Variants in TRIO observed in about 807,000 individuals in gnomAD.
TRIO encodes triple functional domain protein.
In TRIO, 58 loss-of-function variants were observed where a neutral mutation model predicts 351.9. The observed-to-expected ratio is 0.16, with a 90% CI of 0.13 to 0.21. TRIO has a LOEUF of 0.21. Ranked by LOEUF, TRIO falls within the 10% of genes least tolerant of loss-of-function variation. The probability of loss-of-function intolerance (pLI) is 1.00; values close to 1 mark genes in which losing one functional copy is unlikely to be tolerated. For missense variants in TRIO, 3,201 were observed against 4,027.8 expected, an observed-to-expected ratio of 0.79 and a Z score of 5.56; for synonymous variants, 1,758 against 1,595.7, an observed-to-expected ratio of 1.10 and a Z score of -2.42.
chr5:14,174,765 A>C (rs1347813160), intron 1 of TRIO, among the ~76,000 whole-genome samples: 1 of 152,228 alleles, frequency 6.6e-6, no homozygotes, highest in East Asian at 1.9e-4. Flanking sequence ...TCTACAGTCG[A>C]GACCTATGAA....
At chr5:14,498,330 C>T (rs1441137800) in intron 52 of TRIO, 79 bp downstream of exon 52, 1 of 1,564,856 alleles carries the variant, frequency 6.4e-7, no homozygotes, top group Non-Finnish European at 8.7e-7. Context: ...ATTCCTCCTT[C>T]ACGGATGGAT....
At chr5:14,272,336 C>T (rs1033360139) in intron 2 of TRIO, among the ~76,000 whole-genome samples, 1 of 152,124 alleles carries the variant, frequency 6.6e-6, no homozygotes, top group African/African-American at 2.4e-5. Context: ...TGTTTCTGAA[C>T]GTTTTGTTCC....
intron 1 of TRIO, among the ~76,000 whole-genome samples, chr5:14,225,797 C>CG (rs140782515): frequency 1.5e-5 from 2 of 132,812 alleles, no homozygotes; most frequent in South Asian, 2.6e-4. Context: ...CTCCCACCCC[C>CG]CCCCCCACCT....
chr5:14,403,352 G>A (rs1203981435), intron 31 of TRIO, among the ~76,000 whole-genome samples: 1 of 51,768 alleles, frequency 1.9e-5, no homozygotes, highest in Non-Finnish European at 3.2e-5. Flanking sequence ...GGTGCAGCTT[G>A]TGAGGGTGCA....
At chr5:14,296,877 G>A (rs1737405043) in intron 6 of TRIO, among the ~76,000 whole-genome samples, 195 bp from the exon 7 acceptor site, 1 of 152,134 alleles carries the variant, frequency 6.6e-6, no homozygotes, top group Non-Finnish European at 1.5e-5. Flanking sequence ...AAATAGAAAT[G>A]GAAACCAATA....
At chr5:14,266,011 G>T (rs1795648269) in intron 1 of TRIO, among the ~76,000 whole-genome samples, 1 of 152,172 alleles carries the variant, frequency 6.6e-6, no homozygotes. Context: ...TTTATTTGTT[G>T]GTTGAGTTCA....
chr5:14,408,809 TA>T (rs1423246685), intron 33 of TRIO, among the ~76,000 whole-genome samples: 1 of 151,886 alleles, frequency 6.6e-6, no homozygotes, highest in Non-Finnish European at 1.5e-5. Flanking sequence ...ATTCTTAAGA[TA>T]AACTCCTAGG....
chr5:14,399,994 A>G (rs1426616806), intron 30 of TRIO, among the ~76,000 whole-genome samples: 1 of 152,232 alleles, frequency 6.6e-6, no homozygotes, highest in Non-Finnish European at 1.5e-5. Flanking sequence ...TGTGATGTCC[A>G]TATATAATGA....
chr5:14,143,842 G>C lies in TRIO; in HGVS notation c.117G>C (p.Ala39=). The C allele has an allele frequency of 9.3e-7, 1 of 1,072,734 alleles. No homozygotes were observed. Among genetic ancestry groups the C allele is most frequent in the Non-Finnish European group, 1.1e-6 (1 of 887,696 alleles). The allele number at this position is 1,072,734 out of a possible 1,614,324, so 66.5% of individuals were successfully genotyped here. Residue 39 remains alanine, a synonymous_variant, in exon 1 of 57, where the codon GCG becomes GCC. Coordinates refer to ENST00000344204, the MANE Select transcript of TRIO (RefSeq NM_007118.4). Reference sequence around the variant, plus strand: ...GTGCCGGCGAGGGGGCAGAGGAGGCGGCCAAGGACCTGGCCGACATCGCGG... The same window carrying C: ...GTGCCGGCGAGGGGGCAGAGGAGGCCGCCAAGGACCTGGCCGACATCGCGG... The part of the protein sequence containing the change: ...GGGAGEGAEE[A]AKDLADIAAF...
chr5:14,219,687 G>T (rs1175026698), intron 1 of TRIO, among the ~76,000 whole-genome samples: 1 of 152,254 alleles, frequency 6.6e-6, no homozygotes, highest in East Asian at 1.9e-4. Context: ...CTGTGAAAAC[G>T]CAGAATCCTC....
intron 55 of TRIO, among the ~76,000 whole-genome samples, chr5:14,506,898 G>A (rs554076991): frequency 2.6e-5 from 4 of 152,212 alleles, no homozygotes; most frequent in South Asian, 2.1e-4. Context: ...CTCTACCACC[G>A]GCTTCCCTCT....
At chr5:14,221,015 A>G (rs1037212666) in intron 1 of TRIO, among the ~76,000 whole-genome samples, 1 of 152,190 alleles carries the variant, frequency 6.6e-6, no homozygotes, top group Admixed American at 6.5e-5. Context: ...AGGACAGGCG[A>G]CTTTCTTGTT....
intron 11 of TRIO, among the ~76,000 whole-genome samples, chr5:14,337,371 A>T (rs1013987157): frequency 6.6e-6 from 1 of 152,210 alleles, no homozygotes; most frequent in African/African-American, 2.4e-5. Flanking sequence ...AATAATTTAA[A>T]ATAAAAGTTC....
chr5:14,477,108 G>A, intron 41 of TRIO, 145 bp downstream of exon 41: 1 of 687,056 alleles, frequency 1.5e-6, no homozygotes, highest in Non-Finnish European at 2.3e-6. Flanking sequence ...TAATGAGTTG[G>A]AATTAAAATC....
rs112440174 is a variant in TRIO, at chr5:14,328,148, C to T, written c.1732-2630C>T. Among the ~76,000 whole-genome samples, 522 of 152,200 alleles carry T rather than the reference C, an allele frequency of 3.4e-3. 1 individual carries two copies. Among genetic ancestry groups the T allele is most frequent in the Non-Finnish European group, 6.3e-3 (430 of 68,022 alleles). On this transcript the variant is annotated intron_variant, in intron 9 of 56. Coordinates refer to ENST00000344204, the MANE Select transcript of TRIO (RefSeq NM_007118.4). ...CGCTCAATCCACCAGTTAAAGTGCA[C>T]GCCCAATACGCTAGTTAAAACAAAG...
chr5:14,196,725 A>G (rs1342356359), intron 1 of TRIO, among the ~76,000 whole-genome samples: 1 of 152,200 alleles, frequency 6.6e-6, no homozygotes, highest in Admixed American at 6.5e-5. Flanking sequence ...GAGTTAATTG[A>G]GCAGATAGAT....
At chr5:14,352,349 TC>T (rs1317114281) in intron 11 of TRIO, among the ~76,000 whole-genome samples, 1 of 152,242 alleles carries the variant, frequency 6.6e-6, no homozygotes, top group Non-Finnish European at 1.5e-5. Context: ...GCTGTGAACT[TC>T]CATAGGACAC....
At chr5:14,183,456 T>A (rs1789912812) in intron 1 of TRIO, among the ~76,000 whole-genome samples, 1 of 152,176 alleles carries the variant, frequency 6.6e-6, no homozygotes, top group Non-Finnish European at 1.5e-5. Context: ...ATCAGTTTGT[T>A]AAAGTACTCT....
chr5:14,504,292 G>C, intron 54 of TRIO, 101 bp from the exon 55 acceptor site: 2 of 1,340,332 alleles, frequency 1.5e-6, no homozygotes, highest in Non-Finnish European at 2.1e-6. Flanking sequence ...CTCTGGACAG[G>C]GCTGGGCCAC....
Sources: allele counts gnomAD v4.1 joint callset (sites outside exome capture counted in the v4.1 genomes callset), GRCh38; gene constraint gnomAD v4.1.1; transcripts MANE v1.5; gene names NCBI Gene and HGNC (gene_info 2026-07-23, HGNC 2026-07-21).